The following DMD variants were observed in gnomAD, a reference collection of about 807,000 sequenced individuals.
DMD encodes mutant dystrophin.
Under a neutral mutation model 330.1 loss-of-function variants are expected in DMD, and 63 were observed. That is an observed-to-expected ratio of 0.19 (90% CI 0.16 to 0.24). DMD has a LOEUF of 0.24. Among genes scored for constraint, DMD ranks in the 10% least tolerant of loss-of-function variants. The pLI, the probability that DMD is intolerant of heterozygous loss-of-function variation, is 1.00. For synonymous variants in DMD, 1,223 were observed against 959.8 expected (o/e 1.27, Z -5.07); for missense variants, 3,344 against 2,684.1 (o/e 1.25, Z -5.43).
intron 43 of DMD, among the ~76,000 whole-genome samples, chrX:32,235,212 G>T (rs1422832974): frequency 1.8e-5 from 2 of 111,469 alleles, no homozygotes; most frequent in African/African-American, 6.5e-5. Flanking sequence ...CATCTGGGGG[G>T]TGATGGGAGA....
intron 55 of DMD, among the ~76,000 whole-genome samples, chrX:31,623,447 A>G (rs1397081385): frequency 9.0e-6 from 1 of 110,724 alleles, no homozygotes; most frequent in Admixed American, 9.6e-5. Context: ...TATTTTTAGT[A>G]GAGACGGGGG....
intron 15 of DMD, among the ~76,000 whole-genome samples, chrX:32,570,290 T>G (rs899093024): frequency 1.8e-5 from 2 of 112,046 alleles, no homozygotes; most frequent in Non-Finnish European, 3.8e-5. Flanking sequence ...TAAATTCTTA[T>G]TCACTGCCTG....
chrX:31,429,014 CG>C (rs1329424783), intron 60 of DMD, among the ~76,000 whole-genome samples: 1 of 109,334 alleles, frequency 9.1e-6, no homozygotes, highest in Non-Finnish European at 1.9e-5. Context: ...CCCAGCTACT[CG>C]GGAGGCTGAG....
chrX:32,682,235 A>G (rs1246779402), intron 9 of DMD, among the ~76,000 whole-genome samples: 1 of 111,945 alleles, frequency 8.9e-6, no homozygotes, highest in African/African-American at 3.2e-5. Context: ...ACTGTCTCTC[A>G]TTCCATAATA....
At position 31,932,053 on chromosome X, in the gene DMD, C is replaced by T. The variant is rs375703174; in HGVS notation, c.6762+27G>A. ...ATATACTTCTTTATGCAAGCAGGCC[C>T]TGGGGGATTTGAGAAAATAAAATTA... On this transcript the variant is annotated intron_variant, in intron 46 of 78. Transcript: ENST00000357033. 2.7e-5 allele frequency: 33 copies of T among 1,205,106 alleles called. No individual in the cohort carries two copies. In the South Asian group the frequency reaches 3.5e-4, roughly 13 times the overall value.
At chrX:31,748,529 G>A (rs1238228472) in intron 51 of DMD, among the ~76,000 whole-genome samples, 1 of 111,561 alleles carries the variant, frequency 9.0e-6, no homozygotes, top group Non-Finnish European at 1.9e-5. Flanking sequence ...CAAATGTTCT[G>A]CTACACTTTC....
chrX:31,428,058 A>G (rs2063811966), intron 60 of DMD, among the ~76,000 whole-genome samples: 1 of 112,159 alleles, frequency 8.9e-6, no homozygotes, highest in African/African-American at 3.2e-5. Flanking sequence ...AATTATTTGC[A>G]AGACCATGTG....
At chrX:33,268,882 C>T (rs745894324) in intron 1 of DMD, among the ~76,000 whole-genome samples, 1 of 102,756 alleles carries the variant, frequency 9.7e-6, no homozygotes, top group South Asian at 4.7e-4. Flanking sequence ...GCCAGGATTG[C>T]CCCATTGCAC....
chrX:31,460,223 A>G (rs1446496988), intron 59 of DMD, among the ~76,000 whole-genome samples: 1 of 111,433 alleles, frequency 9.0e-6, no homozygotes. Flanking sequence ...ACTCTTTTCT[A>G]CTTTCTCCCA....
rs999779759 is a variant in DMD, at chrX:31,121,157, T to TA, written c.*761dup. On this transcript the variant is annotated 3_prime_UTR_variant, in exon 79 of 79. Coordinates refer to ENST00000357033, the MANE Select transcript of DMD (RefSeq NM_004006.3). ...TCTATTAGGATGTGACATGAACATT[T>TA]AAAAAATGGAAAAAGTCAGTCTATA... is the stretch of plus-strand genomic sequence containing the variant. 1.7e-4 allele frequency: 19 copies of TA among 111,432 alleles called. No individual in the cohort carries two copies. The East Asian group carries it at 2.8e-3, about 16-fold the overall frequency. 9.2% of individuals were successfully genotyped at this position (111,432 alleles called of 1,213,427 possible).
intron 44 of DMD, among the ~76,000 whole-genome samples, chrX:32,099,563 G>T (rs763940449): frequency 9.1e-4 from 100 of 109,641 alleles, no homozygotes; most frequent in African/African-American, 3.2e-3. Context: ...TATGCAGCCA[G>T]AAAAAATGAT....
At chrX:32,126,882 A>G (rs1306784879) in intron 44 of DMD, among the ~76,000 whole-genome samples, 1 of 112,242 alleles carries the variant, frequency 8.9e-6, no homozygotes, top group Non-Finnish European at 1.9e-5. Context: ...CTACTTTAAC[A>G]TTAATTATAT....
At chrX:32,748,571 A>G (rs2070387957) in intron 7 of DMD, among the ~76,000 whole-genome samples, 1 of 111,451 alleles carries the variant, frequency 9.0e-6, no homozygotes, top group African/African-American at 3.3e-5. Flanking sequence ...TCTTAGGGCT[A>G]GGTAAACCCA....
chrX:32,300,021 C>T (rs922806174), intron 42 of DMD, among the ~76,000 whole-genome samples: 2 of 111,025 alleles, frequency 1.8e-5, no homozygotes, highest in Admixed American at 9.6e-5. Context: ...GTTTGTATAA[C>T]TATAATATGT....
intron 60 of DMD, among the ~76,000 whole-genome samples, chrX:31,422,028 C>T (rs7890450): frequency 0.029 from 167 of 5,801 alleles, 1 homozygote; most frequent in East Asian, 0.15. Flanking sequence ...AACACACACA[C>T]ATATATATAT....
intron 1 of DMD, among the ~76,000 whole-genome samples, chrX:33,323,221 T>C: frequency 8.9e-6 from 1 of 112,215 alleles, no homozygotes; most frequent in Non-Finnish European, 1.9e-5. Context: ...CAATTTTTGT[T>C]ACATCTAATA....
intron 1 of DMD, among the ~76,000 whole-genome samples, chrX:33,302,549 T>C (rs993253684): frequency 8.9e-6 from 1 of 112,104 alleles, no homozygotes; most frequent in Non-Finnish European, 1.9e-5. Context: ...AGCTATTTGT[T>C]CTCTTTACTC....
At chrX:31,514,323 T>G (rs1403250974) in intron 55 of DMD, among the ~76,000 whole-genome samples, 1 of 111,810 alleles carries the variant, frequency 8.9e-6, no homozygotes, top group African/African-American at 3.2e-5. Flanking sequence ...AAAGTTCAGT[T>G]ATGAGACAAG....
intron 15 of DMD, among the ~76,000 whole-genome samples, chrX:32,570,100 C>G (rs1347732508): frequency 2.7e-5 from 3 of 111,289 alleles, no homozygotes; most frequent in Non-Finnish European, 5.6e-5. Flanking sequence ...CACCTCCCAC[C>G]TCAATGGCAA....
Sources: allele counts gnomAD v4.1 joint callset (sites outside exome capture counted in the v4.1 genomes callset), GRCh38; gene constraint gnomAD v4.1.1; transcripts MANE v1.5; gene names NCBI Gene and HGNC (gene_info 2026-07-23, HGNC 2026-07-21).